Variants in ZMYM4 observed in about 807,000 individuals in gnomAD.
The protein encoded by ZMYM4 is zinc finger MYM-type containing 4.
ZMYM4 carries 31 observed loss-of-function variants against 183.2 expected under a neutral mutation model. That is an observed-to-expected ratio of 0.17 (90% confidence interval 0.13 to 0.23). ZMYM4 has a LOEUF of 0.23. Among genes scored for constraint, ZMYM4 ranks in the 10% least tolerant of loss-of-function variants. ZMYM4 has a pLI of 1.00. For synonymous variants in ZMYM4, 592 were observed against 631.2 expected (o/e 0.94, Z 0.93); for missense variants, 1,273 against 1,840.3 (o/e 0.69, Z 5.64).
chr1:35,322,033 A>G (rs746150018), intron 1 of ZMYM4, among the ~76,000 whole-genome samples: 1 of 152,028 alleles, frequency 6.6e-6, no homozygotes, highest in Non-Finnish European at 1.5e-5. Flanking sequence ...GCCACTGGAA[A>G]GAATGAAGTA....
intron 18 of ZMYM4, among the ~76,000 whole-genome samples, chr1:35,394,955 AT>A (rs1359443477): frequency 1.3e-5 from 2 of 152,062 alleles, no homozygotes; most frequent in African/African-American, 4.8e-5. Flanking sequence ...CTACTAAAAA[AT>A]TTTTAAAAGT....
intron 23 of ZMYM4, 150 bp from the exon 24 acceptor site, chr1:35,404,873 C>A: frequency 1.4e-6 from 1 of 690,848 alleles, no homozygotes; most frequent in Non-Finnish European, 2.3e-6. Context: ...ATCTCTAAAG[C>A]CCTTTCTTGC....
At chr1:35,377,741 A>G (rs747360720) in intron 7 of ZMYM4, among the ~76,000 whole-genome samples, 6 of 152,210 alleles carry the variant, frequency 3.9e-5, no homozygotes, top group African/African-American at 9.6e-5. Flanking sequence ...TCTTATTACT[A>G]ATAGACAGTC....
intron 1 of ZMYM4, among the ~76,000 whole-genome samples, chr1:35,314,212 T>C (rs925312197): frequency 5.9e-5 from 9 of 152,192 alleles, no homozygotes. Context: ...ACCAATTCTA[T>C]ACATTATTTT....
At chr1:35,278,468 C>G (rs1196121369) in intron 1 of ZMYM4, among the ~76,000 whole-genome samples, 2 of 150,298 alleles carry the variant, frequency 1.3e-5, no homozygotes, top group Non-Finnish European at 2.9e-5. Context: ...CTCTCTCGCC[C>G]AGGCTGGAGT....
At chr1:35,418,408 A>C in intron 28 of ZMYM4, 35 bp from the exon 29 acceptor site, 3 of 1,607,266 alleles carry the variant, frequency 1.9e-6, no homozygotes, top group Non-Finnish European at 2.5e-6. Flanking sequence ...AGACTTTTCT[A>C]ATATAATCCT....
At chr1:35,349,870 G>A (rs1643535717) in intron 2 of ZMYM4, among the ~76,000 whole-genome samples, 1 of 150,560 alleles carries the variant, frequency 6.6e-6, no homozygotes, top group South Asian at 2.1e-4. Flanking sequence ...TAAACAAAGT[G>A]CTAACTTAAG....
At chr1:35,277,741 AAGC>A (rs1485923382) in intron 1 of ZMYM4, among the ~76,000 whole-genome samples, 1 of 152,126 alleles carries the variant, frequency 6.6e-6, no homozygotes, top group Non-Finnish European at 1.5e-5. Flanking sequence ...TGTAAAGAAA[AAGC>A]AGGATAAATG....
In ZMYM4 at chr1:35,419,924, G is replaced by T. The variant is rs909066228; in HGVS notation, c.*247G>T. The T allele has an allele frequency of 2.1e-6, 1 of 483,742 alleles. No homozygotes were observed. The highest frequency in any genetic ancestry group is 3.8e-6 in the Non-Finnish European group (1 of 265,276). The allele number at this position is 483,742 out of a possible 1,614,324, so 30.0% of individuals were successfully genotyped here. A position where few individuals can be genotyped will look rare whatever the true frequency, so the allele number is the denominator to read the frequency against. ...CATCTTCAGAATGACTAATTTCTCC[G>T]AGTGGTGCATAATCTTATTTTGTTT... On this transcript the variant is annotated 3_prime_UTR_variant, in exon 30 of 30. Transcript: ENST00000314607.
intron 2 of ZMYM4, among the ~76,000 whole-genome samples, chr1:35,343,182 A>C (rs976313445): frequency 2.0e-5 from 3 of 152,058 alleles, no homozygotes; most frequent in African/African-American, 7.2e-5. Flanking sequence ...GAAAAGCACA[A>C]ATTTTTAATA....
Position 35,396,543 on chromosome 1 carries a change from T to C in ZMYM4, c.2912-9T>C, listed in dbSNP as rs1351572931. 2 of 1,611,816 alleles carry C rather than the reference T, an allele frequency of 1.2e-6. No individual in the cohort carries two copies. The highest frequency in any genetic ancestry group is 3.4e-5 in the Admixed American group (2 of 59,510). ...TTGCTTTTTGTGATTTTGTTGTTGT[T>C]ACTGTTAGAAGACACTCCAAGTCAG... On this transcript the variant is annotated splice_polypyrimidine_tract_variant and intron_variant, in intron 18 of 29. Coordinates refer to ENST00000314607, the MANE Select transcript of ZMYM4 (RefSeq NM_005095.3).
At chr1:35,409,940 A>C (rs1639812291) in intron 26 of ZMYM4, among the ~76,000 whole-genome samples, 1 of 122,478 alleles carries the variant, frequency 8.2e-6, no homozygotes, top group South Asian at 2.4e-4. Context: ...ACTCTGTCTC[A>C]AAAAAAAAAA....
intron 7 of ZMYM4, among the ~76,000 whole-genome samples, chr1:35,376,722 C>T (rs1420339098): frequency 4.6e-5 from 7 of 151,640 alleles, no homozygotes; most frequent in Non-Finnish European, 8.8e-5. Context: ...GATGGGGTTT[C>T]ACCGTATTGG....
rs572629514 is a variant in ZMYM4 at position 35,299,679 on chromosome 1, G to T, written c.40-25681G>T. Among the ~76,000 whole-genome samples, 15 of 152,014 alleles carry T rather than the reference G, an allele frequency of 9.9e-5. No homozygotes were observed. In the South Asian group the frequency reaches 3.2e-3, roughly 33 times the overall value. On this transcript the variant is annotated intron_variant, in intron 1 of 29. Coordinates refer to ENST00000314607, the MANE Select transcript of ZMYM4 (RefSeq NM_005095.3). ...AGGAATCAGTCTGAATAGTTGCCTG[G>T]TAAGTTGCAGAAAGCAACCAATCAA...
At chr1:35,282,588 C>T (rs187526673) in intron 1 of ZMYM4, among the ~76,000 whole-genome samples, 36 of 152,220 alleles carry the variant, frequency 2.4e-4, no homozygotes, top group Non-Finnish European at 3.8e-4. Context: ...CAGGGTCTCA[C>T]TTTGTTGTCC....
intron 1 of ZMYM4, among the ~76,000 whole-genome samples, chr1:35,316,284 C>G (rs897225405): frequency 6.6e-6 from 1 of 152,144 alleles, no homozygotes; most frequent in African/African-American, 2.4e-5. Flanking sequence ...TTCTCAAGAC[C>G]TACTGTGTAT....
chr1:35,366,033 A>G (rs1378418663), intron 5 of ZMYM4: 2 of 152,220 alleles, frequency 1.3e-5, no homozygotes, highest in African/African-American at 4.8e-5. Flanking sequence ...CTGACTGCAG[A>G]CCGTTAATGT....
intron 1 of ZMYM4, among the ~76,000 whole-genome samples, chr1:35,297,496 A>G (rs1452725380): frequency 6.6e-6 from 1 of 151,062 alleles, no homozygotes; most frequent in African/African-American, 2.4e-5. Context: ...AAAAAAATGT[A>G]TATATATTTT....
intron 1 of ZMYM4, among the ~76,000 whole-genome samples, chr1:35,283,021 CAG>C (rs1257670330): frequency 4.9e-5 from 2 of 40,688 alleles, no homozygotes; most frequent in Non-Finnish European, 1.0e-4. Flanking sequence ...TTTTTTGAGA[CAG>C]AGTGTTACTC....
Sources: allele counts gnomAD v4.1 joint callset (sites outside exome capture counted in the v4.1 genomes callset), GRCh38; gene constraint gnomAD v4.1.1; transcripts MANE v1.5; gene names NCBI Gene and HGNC (gene_info 2026-07-23, HGNC 2026-07-21).